The following MROH2B variants were observed in gnomAD, a reference collection of about 807,000 sequenced individuals.
The protein encoded by MROH2B is maestro heat-like repeat-containing protein family member 2B.
In MROH2B, 177 loss-of-function variants were observed where a neutral mutation model predicts 208.6. The observed-to-expected ratio is 0.85, with a 90% CI of 0.75 to 0.96. The LOEUF (loss-of-function observed/expected upper bound fraction) is 0.96. Among genes scored for constraint, MROH2B ranks in the 40% least tolerant of loss-of-function variants. The pLI is 0.00. For synonymous variants in MROH2B, 728 were observed against 659.0 expected, an observed-to-expected ratio of 1.10 and a Z score of -1.60; for missense variants, 2,002 against 1,878.7, an observed-to-expected ratio of 1.07 and a Z score of -1.21.
Position 41,038,816 on chromosome 5 carries a change from C to A in MROH2B, c.2134G>T (p.Ala712Ser), listed in dbSNP as rs202211129. Residue 712 changes from alanine to serine, a missense_variant, in exon 21 of 42, where the codon GCT becomes TCT. Ala to Ser is a moderately conservative substitution (Grantham distance 99, BLOSUM62 1). Transcript: ENST00000399564. ...CTGGAGAGAAGTTGCTTCTTGGGAG[C>A]ATGGAGGGCCACTGCTCCATAGATG... ...MVIYGAVALHAPKKQLLSRLN... is the reference protein window; with the variant it reads ...MVIYGAVALHSPKKQLLSRLN... 1.2e-6 allele frequency: 2 copies of A among 1,613,586 alleles called. No homozygotes were observed. The highest frequency in any genetic ancestry group is 1.7e-6 in the Non-Finnish European group (2 of 1,179,676).
chr5:41,029,385 A>T (rs1286129103), intron 24 of MROH2B, among the ~76,000 whole-genome samples: 2 of 152,164 alleles, frequency 1.3e-5, no homozygotes, highest in African/African-American at 2.4e-5. Flanking sequence ...CTTATCAGAT[A>T]CATGGTTTGC....
chr5:41,008,846 T>C (rs1374715730), intron 32 of MROH2B, 53 bp from the exon 33 acceptor site: 8 of 1,529,522 alleles, frequency 5.2e-6, no homozygotes, highest in Non-Finnish European at 7.1e-6. Flanking sequence ...TCCAAGGCCA[T>C]CTTCTCTCTG....
At chr5:41,019,134 C>T in intron 24 of MROH2B, 116 bp from the exon 25 acceptor site, 1 of 1,275,406 alleles carries the variant, frequency 7.8e-7, no homozygotes, top group Non-Finnish European at 1.1e-6. Flanking sequence ...GTCACATTTT[C>T]TGACACGTTG....
At chr5:41,019,073 C>G in intron 24 of MROH2B, 55 bp from the exon 25 acceptor site, 3 of 1,600,724 alleles carry the variant, frequency 1.9e-6, no homozygotes, top group Non-Finnish European at 1.7e-6. Flanking sequence ...CAGAACATAC[C>G]CAGTGGAATT....
chr5:41,022,235 C>T (rs1742175391), intron 24 of MROH2B, among the ~76,000 whole-genome samples: 1 of 152,086 alleles, frequency 6.6e-6, no homozygotes, highest in Non-Finnish European at 1.5e-5. Context: ...TGAGTGAGAG[C>T]CAAAGCAGGG....
At position 41,004,859 on chromosome 5, in the gene MROH2B, T is replaced by A. The variant is rs748518035; in HGVS notation, c.3926A>T (p.Asp1309Val). 9 of 1,614,006 alleles carry A rather than the reference T, an allele frequency of 5.6e-6. No homozygotes were observed. The highest frequency in any genetic ancestry group is 7.6e-6 in the Non-Finnish European group (9 of 1,179,878). Reference protein sequence around the residue: ...GNLRNVLILMDQSAWDSNATL... With the variant: ...GNLRNVLILMVQSAWDSNATL... ...GGCGTTGGAGTCCCAGGCACTTTGA[T>A]CCATCAAGATCAGCACATTTCGCAG... The change falls in exon 36 of 42, where the codon GAT becomes GTT. Residue 1309 changes from aspartate to valine, a missense_variant. Physicochemically the swap from Asp to Val is radical, Grantham distance 152. Coordinates refer to ENST00000399564, the MANE Select transcript of MROH2B (RefSeq NM_173489.5).
Position 41,004,887 on chromosome 5 carries a change from T to G in MROH2B, c.3898A>C (p.Asn1300His), listed in dbSNP as rs1209825681. The G allele has an allele frequency of 1.2e-6, 2 of 1,613,970 alleles. No individual in the cohort carries two copies. The highest frequency in any genetic ancestry group is 1.7e-6 in the Non-Finnish European group (2 of 1,179,876). ...ATCAAGATCAGCACATTTCGCAGAT[T>G]CCCATGCTTCCAAAGGATTGGTTCC... Reference protein sequence around the residue: ...MKEPILWKHGNLRNVLILMDQ... With the variant: ...MKEPILWKHGHLRNVLILMDQ... The change falls in exon 36 of 42, where the codon AAT becomes CAT. Residue 1300 changes from asparagine (N) to histidine (H), a missense_variant. Asn to His is a moderately conservative substitution (Grantham distance 68, BLOSUM62 1). Transcript: ENST00000399564.
In MROH2B at chr5:41,019,025, T is replaced by C. The variant is rs377254312; in HGVS notation, c.2442-7A>G. On this transcript the variant is annotated splice_polypyrimidine_tract_variant and splice_region_variant and intron_variant, in intron 24 of 41. Transcript: ENST00000399564. ...GAGCTGAGGTTTCAGTTTACTGAAA[T>C]GAGAACCAGGTGGAGGAATGGATAT... 4.3e-6 allele frequency: 7 copies of C among 1,613,598 alleles called. No individual in the cohort carries two copies. Among genetic ancestry groups the C allele is most frequent in the Non-Finnish European group, 5.1e-6 (6 of 1,179,800 alleles).
intron 30 of MROH2B, among the ~76,000 whole-genome samples, chr5:41,011,817 G>C (rs1741782294): frequency 6.6e-6 from 1 of 152,078 alleles, no homozygotes; most frequent in Admixed American, 6.6e-5. Flanking sequence ...ACAGGTGCTT[G>C]CCACCATGCG....
At chr5:41,001,530 G>T (rs1349371) in intron 37 of MROH2B, among the ~76,000 whole-genome samples, 32,036 of 151,944 alleles carry the variant, frequency 0.21, 3,875 homozygotes, top group East Asian at 0.39. Flanking sequence ...GGCCAAAATG[G>T]TGAAACCCTG....
intron 6 of MROH2B, among the ~76,000 whole-genome samples, chr5:41,060,942 G>A (rs1160939037): frequency 1.3e-5 from 2 of 152,152 alleles, no homozygotes; most frequent in African/African-American, 2.4e-5. Context: ...AAGCAATGAA[G>A]AGACCTAAAT....
At chr5:41,067,891 G>C (rs1743861600) in intron 2 of MROH2B, among the ~76,000 whole-genome samples, 1 of 152,168 alleles carries the variant, frequency 6.6e-6, no homozygotes, top group Non-Finnish European at 1.5e-5. Flanking sequence ...TACTATCAGG[G>C]AGTGATATGG....
intron 32 of MROH2B, 64 bp downstream of exon 32, chr5:41,009,216 T>A: frequency 6.3e-7 from 1 of 1,593,168 alleles, no homozygotes; most frequent in Non-Finnish European, 8.6e-7. Context: ...AAGCTCCAGG[T>A]GGGGATAGAT....
intron 34 of MROH2B, 109 bp downstream of exon 34, chr5:41,007,205 T>C (rs1410853818): frequency 5.4e-6 from 6 of 1,112,580 alleles, no homozygotes; most frequent in Non-Finnish European, 7.1e-6. Context: ...CGACTATTAG[T>C]CCTAAGTGAA....
At chr5:41,004,308 A>C (rs371312276) in intron 37 of MROH2B, 38 bp downstream of exon 37, 87 of 1,592,284 alleles carry the variant, frequency 5.5e-5, no homozygotes, top group Non-Finnish European at 6.6e-5. Context: ...CTGTTCACTC[A>C]CTTCTGGGGA....
At chr5:41,038,590 A>T in intron 21 of MROH2B, 146 bp downstream of exon 21, 1 of 675,372 alleles carries the variant, frequency 1.5e-6, no homozygotes, top group Non-Finnish European at 2.3e-6. Flanking sequence ...GTAATCCACG[A>T]GACATTTACT....
chr5:41,033,776 G>T (rs1277424727), intron 22 of MROH2B, 62 bp downstream of exon 22: 1 of 931,828 alleles, frequency 1.1e-6, no homozygotes, highest in South Asian at 1.6e-5. Context: ...CACTTCAGGG[G>T]GGCATTATCT....
chr5:41,023,615 T>C (rs192499450), intron 24 of MROH2B, among the ~76,000 whole-genome samples: 53 of 152,302 alleles, frequency 3.5e-4, no homozygotes, highest in African/African-American at 1.3e-3. Context: ...TTCTTCAGGA[T>C]ATTATCTAGG....
chr5:41,001,309 C>T (rs978917155), intron 37 of MROH2B, among the ~76,000 whole-genome samples: 15 of 152,084 alleles, frequency 9.9e-5, no homozygotes, highest in Admixed American at 9.2e-4. Flanking sequence ...GGAATTTGGG[C>T]CTTGGTTCTC....
Sources: gnomAD v4.1 joint callset for allele counts (sites outside exome capture counted in the v4.1 genomes callset) on GRCh38, gnomAD v4.1.1 for gene constraint, MANE v1.5 for transcripts, NCBI Gene and HGNC (gene_info 2026-07-23, HGNC 2026-07-21) for gene names.